CFAP69: variants seen among roughly 807,000 people sequenced by gnomAD.
The protein encoded by CFAP69 is cilia- and flagella-associated protein 69.
A neutral mutation model predicts 123.0 loss-of-function variants in CFAP69; 92 were observed. That is an observed-to-expected ratio of 0.75 (90% confidence interval 0.63 to 0.89). The LOEUF (loss-of-function observed/expected upper bound fraction) is 0.89, where lower values mean the gene tolerates loss of function less well. Ranked by LOEUF, CFAP69 falls within the 40% of genes least tolerant of loss-of-function variation. The pLI, the probability that CFAP69 is intolerant of heterozygous loss-of-function variation, is 0.00. For synonymous variants in CFAP69, 380 were observed against 364.3 expected, an observed-to-expected ratio of 1.04 and a Z score of -0.49; for missense variants, 1,067 against 1,096.9, an observed-to-expected ratio of 0.97 and a Z score of 0.39.
chr7:90,258,121 TA>T lies in CFAP69; in HGVS notation c.207del (p.Lys69AsnfsTer16), dbSNP rs1344290923. 1 of 1,611,432 alleles carries T rather than the reference TA, an allele frequency of 6.2e-7. No homozygotes were observed. The highest frequency in any genetic ancestry group is 8.5e-7 in the Non-Finnish European group (1 of 1,178,844). ...DKDGLEEKQL[K>X]FVKKLVQCYQ... is the part of the protein sequence containing the mutation. ...AGGATGGCTTGGAAGAAAAACAACT[TA>T]AATTTGTCAAGAAACTGGTACAGTG... On this transcript the variant is annotated frameshift_variant, in exon 3 of 23. Transcript: ENST00000389297. LOFTEE classifies it high-confidence loss of function.
intron 17 of CFAP69, chr7:90,303,475 T>G (rs1793111192): frequency 1.4e-6 from 1 of 718,460 alleles, no homozygotes; most frequent in East Asian, 1.3e-4. Context: ...TATTTTTAGA[T>G]ATGTTTCCTT....
At chr7:90,319,890 A>G in the CFAP69 span, 1 of 396,760 alleles carries the variant, frequency 2.5e-6, no homozygotes, top group Non-Finnish European at 4.4e-6. Flanking sequence ...TTTTTTCTAA[A>G]TTACTGATTA....
At chr7:90,294,024 C>CT (rs1205577672) in intron 15 of CFAP69, among the ~76,000 whole-genome samples, 3 of 152,300 alleles carry the variant, frequency 2.0e-5, no homozygotes, top group African/African-American at 7.2e-5. Context: ...CTAAACATCC[C>CT]TCTTTTTAAG....
the CFAP69 span, among the ~76,000 whole-genome samples, chr7:90,323,333 T>G: frequency 6.6e-6 from 1 of 151,862 alleles, no homozygotes; most frequent in African/African-American, 2.4e-5. Context: ...AAAAGGCGGA[T>G]GGAGGCAAAG....
At chr7:90,273,671 A>G (rs909480863) in intron 8 of CFAP69, among the ~76,000 whole-genome samples, 1 of 152,172 alleles carries the variant, frequency 6.6e-6, no homozygotes, top group East Asian at 1.9e-4. Flanking sequence ...TAAACAACAG[A>G]AAGTTATTTT....
rs906634236 is a variant in CFAP69 at position 90,287,770 on chromosome 7, A to C, written c.1657-464A>C. The stretch of plus-strand genomic sequence containing the variant: ...GAAAGGTAATTAGTAAGAGAAAAAT[A>C]TTAAGTGGTTAAAACTTCACAAAAA... On this transcript the variant is annotated intron_variant, in intron 14 of 22. Transcript: ENST00000389297. The C allele has an allele frequency of 2.7e-5, 27 of 983,906 alleles. 1 individual carries two copies. In the Admixed American group the frequency reaches 3.7e-4, roughly 13 times the overall value. The allele number at this position is 983,906 out of a possible 1,614,324, so 60.9% of individuals were successfully genotyped here. A position where few individuals can be genotyped will look rare whatever the true frequency, so the allele number is the denominator to read the frequency against.
rs1384953936 is a variant in CFAP69, at chr7:90,258,086, G to A, written c.181-12G>A. On this transcript the variant is annotated splice_polypyrimidine_tract_variant and intron_variant, in intron 2 of 22. Transcript: ENST00000389297. Reference sequence around the variant, plus strand: ...AAAGCACAAAAGAACTAAAATAGGTGATCTGTTTTAGGATGGCTTGGAAGA... The same window carrying A: ...AAAGCACAAAAGAACTAAAATAGGTAATCTGTTTTAGGATGGCTTGGAAGA... 8 of 1,595,878 alleles carry A rather than the reference G, an allele frequency of 5.0e-6. No homozygotes were observed. Among genetic ancestry groups the A allele is most frequent in the East Asian group, 2.2e-5 (1 of 44,532 alleles).
chr7:90,274,154 T>G (rs1233691460), intron 9 of CFAP69, 44 bp downstream of exon 9: 12 of 1,577,706 alleles, frequency 7.6e-6, no homozygotes, highest in African/African-American at 1.4e-5. Flanking sequence ...GTGGAAGTGG[T>G]GGGCTTGGGT....
chr7:90,297,640 G>A lies in CFAP69; in HGVS notation c.1776-109G>A, dbSNP rs550407005. ...TAAAAACATTAGCTACTTGATTTAA[G>A]AAAATGAAGAAAACATATTCTTTGA... is the stretch of plus-strand genomic sequence containing the variant. On this transcript the variant is annotated intron_variant, in intron 15 of 22. Coordinates refer to ENST00000389297, the MANE Select transcript of CFAP69 (RefSeq NM_001039706.3). 6.9e-4 allele frequency: 458 copies of A among 668,534 alleles called. 2 individuals are homozygous for A. Among genetic ancestry groups the A allele is most frequent in the South Asian group, 1.0e-3 (49 of 47,166 alleles). The allele number at this position is 668,534 out of a possible 1,614,324, so 41.4% of individuals were successfully genotyped here. A position where few individuals can be genotyped will look rare whatever the true frequency, so the allele number is the denominator to read the frequency against.
chr7:90,301,116 G>A (rs868710082), intron 17 of CFAP69: 2 of 151,714 alleles, frequency 1.3e-5, no homozygotes, highest in South Asian at 2.1e-4. Flanking sequence ...CTACAGGCAC[G>A]TGCCACCATA....
At chr7:90,257,971 A>G (rs1797851901) in intron 2 of CFAP69, 127 bp from the exon 3 acceptor site, 1 of 631,732 alleles carries the variant, frequency 1.6e-6, no homozygotes, top group African/African-American at 1.9e-5. Context: ...TATAACGTTT[A>G]CATTATAATA....
rs915442168 is a variant in CFAP69, at chr7:90,310,185, A to G, written c.2773A>G (p.Arg925Gly). 1 of 1,613,942 alleles carries G rather than the reference A, an allele frequency of 6.2e-7. No individual in the cohort carries two copies. The highest frequency in any genetic ancestry group is 8.5e-7 in the Non-Finnish European group (1 of 1,179,890). ...KLPIRGGALQ[R>G]VKAVKIVDAP... Reference sequence around the variant, plus strand: ...GCCCATTCGAGGAGGAGCCTTGCAGAGGGTGAAAGCAGTTAAAATTGTGGA... The same window carrying G: ...GCCCATTCGAGGAGGAGCCTTGCAGGGGGTGAAAGCAGTTAAAATTGTGGA... The change falls in exon 23 of 23, where the codon AGG (arginine) becomes GGG (glycine). Residue 925 changes from arginine to glycine, a missense_variant. Coordinates refer to ENST00000389297, the MANE Select transcript of CFAP69 (RefSeq NM_001039706.3).
intron 1 of CFAP69, among the ~76,000 whole-genome samples, chr7:90,248,787 A>G (rs1186322242): frequency 1.3e-5 from 2 of 152,158 alleles, no homozygotes; most frequent in East Asian, 3.9e-4. Flanking sequence ...CGAAACAATA[A>G]AATAGTACCA....
At position 90,271,922 on chromosome 7, in the gene CFAP69, A is replaced by T; in HGVS notation, c.824A>T (p.Glu275Val). 3.1e-6 allele frequency: 5 copies of T among 1,613,278 alleles called. No individual in the cohort carries two copies. The highest frequency in any genetic ancestry group is 4.2e-6 in the Non-Finnish European group (5 of 1,179,516). Residue 275 changes from glutamate (E) to valine (V), a missense_variant, in exon 8 of 23, where the codon GAA becomes GTA. Physicochemically the swap from Glu to Val is moderately radical, Grantham distance 121. Transcript: ENST00000389297. ...WNLLEKSSKE[E>V]VIQQLSNLEC... ...TTGCTGGAAAAATCTTCAAAAGAAG[A>T]AGTCATACAACAGCTTAGTAACTTG...
chr7:90,277,966 T>C (rs1788854613), intron 11 of CFAP69, among the ~76,000 whole-genome samples: 1 of 152,158 alleles, frequency 6.6e-6, no homozygotes, highest in Non-Finnish European at 1.5e-5. Context: ...TCAGCTCTGC[T>C]CACAGGTCTA....
chr7:90,309,233 A>C lies in CFAP69; in HGVS notation c.2551-30A>C, dbSNP rs758978517. 7.5e-6 allele frequency: 8 copies of C among 1,073,194 alleles called. No individual in the cohort carries two copies. The South Asian group carries it at 1.2e-4, about 17-fold the overall frequency. The allele number at this position is 1,073,194 out of a possible 1,614,324, so 66.5% of individuals were successfully genotyped here. On this transcript the variant is annotated intron_variant, in intron 21 of 22. Transcript: ENST00000389297. ...ATCATTACTGATTTAATAGCAATTAATATTTTCTTTCTAATTTAAAAATCC... is the reference window on the plus strand; with the variant it reads ...ATCATTACTGATTTAATAGCAATTACTATTTTCTTTCTAATTTAAAAATCC...
In CFAP69 at chr7:90,245,217, G is replaced by T; in HGVS notation, c.-208G>T. ...GTTAACAACCGGCCCGGGATCAGAG[G>T]TCTGGGTCAACTGGGGGGCGGCAGC... On this transcript the variant is annotated 5_prime_UTR_variant, in exon 1 of 23. Transcript: ENST00000389297. The T allele has an allele frequency of 1.8e-6, 1 of 540,744 alleles. No homozygotes were observed. Among genetic ancestry groups the T allele is most frequent in the Non-Finnish European group, 2.9e-6 (1 of 339,554 alleles). 33.5% of individuals were successfully genotyped at this position (540,744 alleles called of 1,614,324 possible).
chr7:90,258,415 C>A (rs1395739326), intron 3 of CFAP69, among the ~76,000 whole-genome samples: 1 of 152,022 alleles, frequency 6.6e-6, no homozygotes, highest in African/African-American at 2.4e-5. Flanking sequence ...CCTTGCCTTC[C>A]CCAGCTTCTG....
At position 90,245,292 on chromosome 7, in the gene CFAP69, G is replaced by A; in HGVS notation, c.-133G>A. Reference sequence around the variant, plus strand: ...TGGCCTAGGCCCCTGGCGGAATTTTGGGACCTTTCGCGACTCTAGCGACTC... The same window carrying A: ...TGGCCTAGGCCCCTGGCGGAATTTTAGGACCTTTCGCGACTCTAGCGACTC... On this transcript the variant is annotated 5_prime_UTR_variant, in exon 1 of 23. Transcript: ENST00000389297. 7.8e-7 allele frequency: 1 copy of A among 1,275,066 alleles called. No individual in the cohort carries two copies. Among genetic ancestry groups the A allele is most frequent in the Non-Finnish European group, 1.0e-6 (1 of 977,998 alleles). The allele number at this position is 1,275,066 out of a possible 1,614,324, so 79.0% of individuals were successfully genotyped here.
Sources: allele counts gnomAD v4.1 joint callset (sites outside exome capture counted in the v4.1 genomes callset), GRCh38; gene constraint gnomAD v4.1.1; transcripts MANE v1.5; gene names NCBI Gene and HGNC (gene_info 2026-07-23, HGNC 2026-07-21).